LRRTM4: variants seen among roughly 807,000 people sequenced by gnomAD.
The protein encoded by LRRTM4 is leucine-rich repeat transmembrane neuronal protein 4.
A neutral mutation model predicts 47.6 loss-of-function variants in LRRTM4; 25 were observed. The ratio of observed to expected loss-of-function variants is 0.53; its 90% CI spans 0.38 to 0.73. The LOEUF (loss-of-function observed/expected upper bound fraction) is 0.73, where lower values mean the gene tolerates loss of function less well. Among genes scored for constraint, LRRTM4 ranks in the 30% least tolerant of loss-of-function variants. LRRTM4 has a pLI of 0.00. For missense variants in LRRTM4, 638 were observed against 713.4 expected (o/e 0.89, Z 1.20); for synonymous variants, 311 against 269.5 (o/e 1.15, Z -1.51).
chr2:77,151,891 C>A (rs574461053), intron 3 of LRRTM4, among the ~76,000 whole-genome samples: 1 of 152,150 alleles, frequency 6.6e-6, no homozygotes, highest in South Asian at 2.1e-4. Context: ...ATGTATCCAC[C>A]TTAATGTTTC....
chr2:76,840,600 A>G (rs561803506), intron 3 of LRRTM4, among the ~76,000 whole-genome samples: 1 of 152,366 alleles, frequency 6.6e-6, no homozygotes, highest in South Asian at 2.1e-4. Context: ...AAGACTTAAA[A>G]AAAGAAAAAA....
At chr2:77,222,521 G>A (rs1489644938) in intron 3 of LRRTM4, among the ~76,000 whole-genome samples, 2 of 152,032 alleles carry the variant, frequency 1.3e-5, no homozygotes, top group Non-Finnish European at 2.9e-5. Context: ...ATGACAAAGA[G>A]GATATCACCG....
intron 3 of LRRTM4, among the ~76,000 whole-genome samples, chr2:76,787,524 G>T (rs1573102815): frequency 6.6e-6 from 1 of 151,844 alleles, no homozygotes; most frequent in Admixed American, 6.6e-5. Context: ...GAGAGTGGAG[G>T]TTAAAAACAG....
intron 3 of LRRTM4, among the ~76,000 whole-genome samples, chr2:76,901,591 T>TA (rs561543848): frequency 1.1e-4 from 17 of 151,792 alleles, no homozygotes; most frequent in Middle Eastern, 3.2e-3. Flanking sequence ...CTAAGCACTG[T>TA]AAAAAAAAAT....
chr2:77,041,505 C>A (rs1225115025), intron 3 of LRRTM4, among the ~76,000 whole-genome samples: 2 of 151,354 alleles, frequency 1.3e-5, no homozygotes, highest in African/African-American at 4.8e-5. Context: ...TCCATAGTGG[C>A]TGTACTAATT....
At chr2:77,084,182 C>T (rs577381941) in intron 3 of LRRTM4, among the ~76,000 whole-genome samples, 1 of 152,052 alleles carries the variant, frequency 6.6e-6, no homozygotes, top group Non-Finnish European at 1.5e-5. Flanking sequence ...AGAAAACTTG[C>T]GGAAACTTTC....
intron 3 of LRRTM4, among the ~76,000 whole-genome samples, chr2:77,179,970 T>TCAA (rs1311498678): frequency 6.6e-6 from 1 of 152,118 alleles, no homozygotes; most frequent in Non-Finnish European, 1.5e-5. Flanking sequence ...TTTAAAGAAC[T>TCAA]CAAGGTGGCT....
At chr2:77,271,872 T>A (rs1370206580) in intron 3 of LRRTM4, among the ~76,000 whole-genome samples, 1 of 152,194 alleles carries the variant, frequency 6.6e-6, no homozygotes, top group Non-Finnish European at 1.5e-5. Flanking sequence ...ACCCACCATG[T>A]GTCATGCGTA....
At chr2:77,096,802 A>G (rs1027366207) in intron 3 of LRRTM4, among the ~76,000 whole-genome samples, 21 of 151,784 alleles carry the variant, frequency 1.4e-4, no homozygotes, top group African/African-American at 3.6e-4. Context: ...TTAAAAACAC[A>G]AAAATAAAGC....
intron 3 of LRRTM4, among the ~76,000 whole-genome samples, chr2:77,502,142 G>A (rs994326335): frequency 6.6e-6 from 1 of 151,386 alleles, no homozygotes; most frequent in Non-Finnish European, 1.5e-5. Context: ...AATATGTGTA[G>A]ACGAATGCTT....
chr2:77,159,380 G>A (rs1389059333), intron 3 of LRRTM4, among the ~76,000 whole-genome samples: 1 of 152,024 alleles, frequency 6.6e-6, no homozygotes, highest in African/African-American at 2.4e-5. Context: ...CGTTGGTTGG[G>A]GAGAGGGAGG....
chr2:77,053,686 T>C (rs971811270), intron 3 of LRRTM4, among the ~76,000 whole-genome samples: 30 of 152,092 alleles, frequency 2.0e-4, no homozygotes, highest in Non-Finnish European at 8.8e-5. Context: ...GGTAATAGAA[T>C]TAATGAGTCT....
intron 3 of LRRTM4, among the ~76,000 whole-genome samples, chr2:77,170,229 T>C (rs1260965844): frequency 6.6e-6 from 1 of 151,726 alleles, no homozygotes; most frequent in Non-Finnish European, 1.5e-5. Flanking sequence ...GGCAGAAGAG[T>C]AGATTAAAGA....
intron 3 of LRRTM4, among the ~76,000 whole-genome samples, chr2:77,131,603 C>T (rs1271250004): frequency 2.0e-5 from 3 of 152,010 alleles, no homozygotes; most frequent in African/African-American, 7.2e-5. Flanking sequence ...AAGAGCCAAA[C>T]CCAAATTTCT....
At chr2:77,285,942 T>A (rs1676643890) in intron 3 of LRRTM4, among the ~76,000 whole-genome samples, 1 of 152,108 alleles carries the variant, frequency 6.6e-6, no homozygotes, top group Non-Finnish European at 1.5e-5. Context: ...ATAAAAAGTC[T>A]ATGCTACCAA....
intron 3 of LRRTM4, among the ~76,000 whole-genome samples, chr2:77,409,272 T>A (rs766197849): frequency 6.6e-6 from 1 of 152,092 alleles, no homozygotes; most frequent in Non-Finnish European, 1.5e-5. Context: ...AATACCTGAG[T>A]TTGGGTAAAG....
intron 3 of LRRTM4, among the ~76,000 whole-genome samples, chr2:77,316,028 C>A (rs1250034845): frequency 6.6e-6 from 1 of 152,150 alleles, no homozygotes; most frequent in Non-Finnish European, 1.5e-5. Flanking sequence ...AACAGGGAAT[C>A]TAAATTTGGT....
intron 3 of LRRTM4, among the ~76,000 whole-genome samples, chr2:77,022,560 G>C (rs925257445): frequency 6.6e-6 from 1 of 152,154 alleles, no homozygotes; most frequent in African/African-American, 2.4e-5. Flanking sequence ...ATACAATGGA[G>C]GTACAGATAT....
chr2:77,444,054 G>T (rs182289696), intron 3 of LRRTM4, among the ~76,000 whole-genome samples: 2 of 152,184 alleles, frequency 1.3e-5, no homozygotes, highest in Admixed American at 6.5e-5. Flanking sequence ...CCGTGTGAAG[G>T]CCTCTTAAAC....
Sources: allele counts gnomAD v4.1 joint callset (sites outside exome capture counted in the v4.1 genomes callset), GRCh38; gene constraint gnomAD v4.1.1; transcripts MANE v1.5; gene names NCBI Gene and HGNC (gene_info 2026-07-23, HGNC 2026-07-21).